DGKD: variants seen among roughly 807,000 people sequenced by gnomAD.
DGKD encodes DAG kinase delta.
In DGKD, 68 loss-of-function variants were observed where a neutral mutation model predicts 154.4. The observed-to-expected ratio is 0.44, with a 90% CI of 0.36 to 0.54. DGKD has a LOEUF of 0.54. Among genes scored for constraint, DGKD ranks in the 20% least tolerant of loss-of-function variants. The pLI is 0.00. For synonymous variants in DGKD, 693 were observed against 638.0 expected (o/e 1.09, Z -1.30); for missense variants, 1,343 against 1,593.6 (o/e 0.84, Z 2.68).
rs139151073 is a variant in DGKD, at chr2:233,365,999, A to G, written c.156+11325A>G. On this transcript the variant is annotated intron_variant, in intron 1 of 29. Transcript: ENST00000264057. The stretch of plus-strand genomic sequence containing the variant: ...AATAGAGTATTTTTTTAAAGGATTT[A>G]TAGAAGAATGAGGAGGAGGAGGTTG... 4.0e-3 allele frequency among the ~76,000 whole-genome samples: 605 copies of G among 152,312 alleles called. 3 individuals carry two copies. Among genetic ancestry groups the G allele is most frequent in the African/African-American group, 0.014 (579 of 41,564 alleles).
chr2:233,421,442 A>G (rs1315125652), intron 3 of DGKD, among the ~76,000 whole-genome samples: 1 of 152,218 alleles, frequency 6.6e-6, no homozygotes, highest in East Asian at 1.9e-4. Context: ...TCAGCTTTCA[A>G]TAAAGCAACC....
At chr2:233,392,604 A>G (rs1021885995) in intron 3 of DGKD, among the ~76,000 whole-genome samples, 1 of 152,118 alleles carries the variant, frequency 6.6e-6, no homozygotes, top group East Asian at 1.9e-4. Context: ...GTAACTTTCT[A>G]TGAGTTTATG....
At chr2:233,414,717 A>G (rs1459510353) in intron 3 of DGKD, among the ~76,000 whole-genome samples, 1 of 152,188 alleles carries the variant, frequency 6.6e-6, no homozygotes, top group Non-Finnish European at 1.5e-5. Context: ...TGTTTCAGGT[A>G]TGTTTTTTCA....
chr2:233,374,349 C>T (rs1368789937), intron 1 of DGKD, among the ~76,000 whole-genome samples: 1 of 148,070 alleles, frequency 6.8e-6, no homozygotes. Context: ...CTGCGCCTGG[C>T]CTTGACACGG....
Position 233,448,321 on chromosome 2 carries a change from G to T in DGKD, c.1560G>T (p.Lys520Asn). The T allele has an allele frequency of 6.2e-7, 1 of 1,614,186 alleles. No homozygotes were observed. The highest frequency in any genetic ancestry group is 8.5e-7 in the Non-Finnish European group (1 of 1,180,028). The change falls in exon 14 of 30, where the codon AAG becomes AAT. Residue 520 changes from lysine (K) to asparagine (N), a missense_variant. Lys to Asn is a moderately conservative substitution (Grantham distance 94). Transcript: ENST00000264057. ...AGGACTTCGTGGCACGGGTGGGGAA[G>T]GCCTATGAGAAGACGACCGAGAGCT... ...TVKDFVARVG[K>N]AYEKTTESSE...
intron 3 of DGKD, among the ~76,000 whole-genome samples, chr2:233,420,348 C>T (rs1348941246): frequency 6.6e-6 from 1 of 152,210 alleles, no homozygotes; most frequent in Non-Finnish European, 1.5e-5. Context: ...TGTGCCAAAA[C>T]ATTTAAAACA....
In DGKD at chr2:233,467,116, C is replaced by T. The variant is rs748368304; in HGVS notation, c.3337C>T (p.Arg1113Cys). The stretch of plus-strand genomic sequence containing the variant: ...GATGCTGGATCTTGCCAAGCGCAGT[C>T]GCAGTGGTAAATTCCGCCTCGTGAC... ...SVMLDLAKRS[R>C]SGKFRLVTKF... The change falls in exon 28 of 30, where the codon CGC becomes TGC. Residue 1113 changes from arginine to cysteine, a missense_variant. Coordinates refer to ENST00000264057, the MANE Select transcript of DGKD (RefSeq NM_152879.3). 24 of 1,614,008 alleles carry T rather than the reference C, an allele frequency of 1.5e-5. No individual in the cohort carries two copies. Among genetic ancestry groups the T allele is most frequent in the Middle Eastern group, 3.3e-4 (2 of 6,084 alleles).
chr2:233,369,141 T>C (rs2125394226), intron 1 of DGKD, among the ~76,000 whole-genome samples: 1 of 152,344 alleles, frequency 6.6e-6, no homozygotes, highest in East Asian at 1.9e-4. Context: ...CTCCATTTAT[T>C]TTATTTTTTG....
At chr2:233,417,928 G>A (rs943799186) in intron 3 of DGKD, among the ~76,000 whole-genome samples, 1 of 152,108 alleles carries the variant, frequency 6.6e-6, no homozygotes, top group Non-Finnish European at 1.5e-5. Flanking sequence ...AGTGTTGTGC[G>A]ACAGCCTCAC....
intron 1 of DGKD, among the ~76,000 whole-genome samples, chr2:233,380,697 A>ACATACCGCAG (rs1038684142): frequency 6.6e-6 from 1 of 152,136 alleles, no homozygotes; most frequent in African/African-American, 2.4e-5. Flanking sequence ...TGTTAACACC[A>ACATACCGCAG]CATACCGCAG....
Position 233,441,909 on chromosome 2 carries a change from G to C in DGKD, c.1108G>C (p.Asp370His). 1 of 1,614,038 alleles carries C rather than the reference G, an allele frequency of 6.2e-7. No individual in the cohort carries two copies. The highest frequency in any genetic ancestry group is 2.2e-5 in the East Asian group (1 of 44,878). Reference sequence around the variant, plus strand: ...CAGCTTACGGTTATTCCAGAAGTTTGACACATTCCGGATTCTGGTTTGTGG... The same window carrying C: ...CAGCTTACGGTTATTCCAGAAGTTTCACACATTCCGGATTCTGGTTTGTGG... ...HLGLRLFQKFDTFRILVCGGD... is the reference protein window; with the variant it reads ...HLGLRLFQKFHTFRILVCGGD... The change falls in exon 10 of 30, where the codon GAC becomes CAC. Residue 370 changes from aspartate (D) to histidine (H), a missense_variant. Transcript: ENST00000264057. This position sits in a 1 kb window ranked among gnomAD's most constrained non-coding sequence, Gnocchi z 5.6.
At chr2:233,419,205 G>C in intron 3 of DGKD, 2 of 985,306 alleles carry the variant, frequency 2.0e-6, no homozygotes, top group Non-Finnish European at 2.4e-6. Flanking sequence ...GTGTTTCCGA[G>C]TGCCTCATCC....
intron 3 of DGKD, among the ~76,000 whole-genome samples, chr2:233,399,599 C>T (rs10190816): frequency 0.011 from 1,604 of 152,174 alleles, 24 homozygotes; most frequent in African/African-American, 0.036. Flanking sequence ...GTGGGAGGTG[C>T]GCTGGGTGAG....
Position 233,379,141 on chromosome 2 carries a change from T to G in DGKD, c.157-9116T>G, listed in dbSNP as rs79871801. 9.4e-3 allele frequency among the ~76,000 whole-genome samples: 1,436 copies of G among 152,316 alleles called. 13 individuals are homozygous for G. The highest frequency in any genetic ancestry group is 0.028 in the East Asian group (145 of 5,186). ...GAGACAGCCTCATAATGGATGTTCATGTACTTGCAAAGCGGTGATAGCTAG... is the reference window on the plus strand; with the variant it reads ...GAGACAGCCTCATAATGGATGTTCAGGTACTTGCAAAGCGGTGATAGCTAG... On this transcript the variant is annotated intron_variant, in intron 1 of 29. Transcript: ENST00000264057.
chr2:233,385,137 C>A (rs1300799539), intron 1 of DGKD, among the ~76,000 whole-genome samples: 1 of 152,198 alleles, frequency 6.6e-6, no homozygotes, highest in Non-Finnish European at 1.5e-5. Context: ...TGGACTTTCC[C>A]TGCCTCCTGG....
At chr2:233,400,750 G>T (rs1342701654) in intron 3 of DGKD, among the ~76,000 whole-genome samples, 1 of 152,178 alleles carries the variant, frequency 6.6e-6, no homozygotes, top group Non-Finnish European at 1.5e-5. Context: ...GGAGGGCAAG[G>T]CCTGAGCTGC....
Position 233,449,515 on chromosome 2 carries a change from C to A in DGKD, c.1888+139C>A. 8.0e-7 allele frequency: 1 copy of A among 1,249,276 alleles called. No homozygotes were observed. The highest frequency in any genetic ancestry group is 1.1e-6 in the Non-Finnish European group (1 of 926,184). 77.4% of individuals were successfully genotyped at this position (1,249,276 alleles called of 1,614,324 possible). A position where few individuals can be genotyped will look rare whatever the true frequency, so the allele number is the denominator to read the frequency against. On this transcript the variant is annotated intron_variant, in intron 15 of 29. Transcript: ENST00000264057. The surrounding 1 kb of genome is among the most constrained non-coding windows in gnomAD (Gnocchi z 5.3). ...GCCCTCTCCACCCATGTCCAGGCAC[C>A]AGACCCCCAACGAGTTCGCTTGCCC...
chr2:233,441,931 G>A lies in DGKD; in HGVS notation c.1130G>A (p.Cys377Tyr), dbSNP rs2062905999. ...QKFDTFRILVCGGDGSVGWVL... is the reference protein window; with the variant it reads ...QKFDTFRILVYGGDGSVGWVL... Reference sequence around the variant, plus strand: ...TTTGACACATTCCGGATTCTGGTTTGTGGCGGGGATGGAAGTGTTGGCTGG... The same window carrying A: ...TTTGACACATTCCGGATTCTGGTTTATGGCGGGGATGGAAGTGTTGGCTGG... The change falls in exon 10 of 30, where the codon TGT (cysteine) becomes TAT (tyrosine). Residue 377 changes from cysteine (C) to tyrosine (Y), a missense_variant. Physicochemically the swap from Cys to Tyr is radical, Grantham distance 194 (BLOSUM62 -2). Transcript: ENST00000264057. This position sits in a 1 kb window ranked among gnomAD's most constrained non-coding sequence, Gnocchi z 5.6. 6.3e-7 allele frequency: 1 copy of A among 1,593,188 alleles called. No homozygotes were observed. The highest frequency in any genetic ancestry group is 8.5e-7 in the Non-Finnish European group (1 of 1,169,926).
At chr2:233,358,060 T>A (rs1173496442) in intron 1 of DGKD, among the ~76,000 whole-genome samples, 1 of 152,260 alleles carries the variant, frequency 6.6e-6, no homozygotes, top group Admixed American at 6.5e-5. Context: ...TTTTTTAATA[T>A]GTTCGAGCTC....
Sources: allele counts gnomAD v4.1 joint callset (sites outside exome capture counted in the v4.1 genomes callset), GRCh38; gene constraint gnomAD v4.1.1; non-coding constraint Gnocchi (gnomAD v3.1); transcripts MANE v1.5; gene names NCBI Gene and HGNC (gene_info 2026-07-23, HGNC 2026-07-21).